DNAH6: variants seen among roughly 807,000 people sequenced by gnomAD.
DNAH6 encodes axonemal beta dynein heavy chain 6.
Under a neutral mutation model 491.4 loss-of-function variants are expected in DNAH6, and 340 were observed. The observed-to-expected ratio is 0.69, with a 90% confidence interval of 0.63 to 0.76. The LOEUF (loss-of-function observed/expected upper bound fraction) is 0.76, where lower values mean the gene tolerates loss of function less well. DNAH6 is among the 30% of genes least tolerant of loss of function. The pLI is 0.00. For missense variants in DNAH6, 4,443 were observed against 4,972.2 expected, an observed-to-expected ratio of 0.89 and a Z score of 3.20; for synonymous variants, 1,603 against 1,686.1, an observed-to-expected ratio of 0.95 and a Z score of 1.21.
chr2:84,788,325 G>C (rs1413944281), intron 68 of DNAH6, among the ~76,000 whole-genome samples: 1 of 152,102 alleles, frequency 6.6e-6, no homozygotes, highest in African/African-American at 2.4e-5. Flanking sequence ...GATGTTTCAG[G>C]TTACCTCAGT....
At chr2:84,557,519 G>A (rs533791737) in intron 10 of DNAH6, among the ~76,000 whole-genome samples, 4 of 150,444 alleles carry the variant, frequency 2.7e-5, no homozygotes, top group Non-Finnish European at 3.0e-5. Flanking sequence ...GCGCGGTGGC[G>A]GGCGCCTGTA....
At chr2:84,600,018 G>C (rs951279083) in intron 18 of DNAH6, among the ~76,000 whole-genome samples, 6 of 152,150 alleles carry the variant, frequency 3.9e-5, no homozygotes, top group Admixed American at 3.9e-4. Flanking sequence ...TTAGAAGAAT[G>C]TGCATTCTGC....
At chr2:84,522,664 T>C (rs1299669891) in intron 2 of DNAH6, among the ~76,000 whole-genome samples, 1 of 152,144 alleles carries the variant, frequency 6.6e-6, no homozygotes, top group Non-Finnish European at 1.5e-5. Flanking sequence ...TTATTGAGTG[T>C]TCAACATGAA....
intron 4 of DNAH6, among the ~76,000 whole-genome samples, chr2:84,543,625 T>G (rs988430257): frequency 3.9e-5 from 6 of 152,166 alleles, no homozygotes; most frequent in African/African-American, 1.4e-4. Context: ...CTCCTGTCCT[T>G]TCTTCTGTTT....
intron 64 of DNAH6, chr2:84,778,207 T>G: frequency 1.2e-5 from 8 of 662,752 alleles, no homozygotes; most frequent in East Asian, 2.7e-5. Flanking sequence ...AATCAGCTGA[T>G]CCTTGAGAGT....
At chr2:84,560,555 C>T (rs1381071784) in intron 11 of DNAH6, among the ~76,000 whole-genome samples, 2 of 151,232 alleles carry the variant, frequency 1.3e-5, no homozygotes, top group Admixed American at 6.6e-5. Flanking sequence ...GTGTGCTGCA[C>T]CCATTAACTC....
chr2:84,551,140 A>G (rs562857512), intron 9 of DNAH6, among the ~76,000 whole-genome samples: 14 of 152,316 alleles, frequency 9.2e-5, no homozygotes, highest in African/African-American at 3.4e-4. Flanking sequence ...AAAGCTAATT[A>G]TGCAATACAC....
rs1168389064 is a variant in DNAH6 at position 84,707,736 on chromosome 2, G to A, written c.9048+20G>A. 1 of 1,540,364 alleles carries A rather than the reference G, an allele frequency of 6.5e-7. No individual in the cohort carries two copies. The highest frequency in any genetic ancestry group is 1.2e-5 in the South Asian group (1 of 83,164). On this transcript the variant is annotated intron_variant, in intron 54 of 76. Transcript: ENST00000389394. ...CAGTCAGTGAGTAACCCTGCTTTCT[G>A]TAAGGAGGGGTAAGAAGCAGCTGAA... is the stretch of plus-strand genomic sequence containing the variant.
At position 84,573,530 on chromosome 2, in the gene DNAH6, A is replaced by G; in HGVS notation, c.1867A>G (p.Ile623Val). The change falls in exon 12 of 77, where the codon ATA (isoleucine) becomes GTA (valine). Residue 623 changes from isoleucine to valine, a missense_variant. By Grantham distance (29) the Ile-to-Val change is conservative. Transcript: ENST00000389394. ...IYAATFEKFQ[I>V]FFKENESLDL... ...TGCAGCTACCTTTGAAAAGTTCCAGATATTCTTCAAGGAAAATGAAAGTCT... is the reference window on the plus strand; with the variant it reads ...TGCAGCTACCTTTGAAAAGTTCCAGGTATTCTTCAAGGAAAATGAAAGTCT... 1.9e-6 allele frequency: 3 copies of G among 1,591,672 alleles called. No individual in the cohort carries two copies. Among genetic ancestry groups the G allele is most frequent in the Non-Finnish European group, 2.6e-6 (3 of 1,173,626 alleles).
the DNAH6 span, among the ~76,000 whole-genome samples, chr2:84,481,267 C>A: frequency 6.6e-6 from 1 of 152,156 alleles, no homozygotes; most frequent in Non-Finnish European, 1.5e-5. Flanking sequence ...ATTTCATTTA[C>A]TCTATGATTT....
At position 84,745,125 on chromosome 2, in the gene DNAH6, C is replaced by T. The variant is rs13424518; in HGVS notation, c.10388C>T (p.Ser3463Phe). 6.5e-7 allele frequency: 1 copy of T among 1,544,694 alleles called. No individual in the cohort carries two copies. Among genetic ancestry groups the T allele is most frequent in the South Asian group, 1.2e-5 (1 of 82,860 alleles). The change falls in exon 63 of 77, where the codon TCT (serine) becomes TTT (phenylalanine). Residue 3463 changes from serine to phenylalanine, a missense_variant. Coordinates refer to ENST00000389394, the MANE Select transcript of DNAH6 (RefSeq NM_001370.2). ...AACCCACAGAAATGGGAAGGCTATTCTAAAATGAAACACGAAGATAAACAC... is the reference window on the plus strand; with the variant it reads ...AACCCACAGAAATGGGAAGGCTATTTTAAAATGAAACACGAAGATAAACAC... Reference protein sequence around the residue: ...YINPQKWEGYSKMKHEDKHMR... With the variant: ...YINPQKWEGYFKMKHEDKHMR...
intron 18 of DNAH6, among the ~76,000 whole-genome samples, chr2:84,601,644 A>G (rs566605619): frequency 2.0e-4 from 2 of 10,240 alleles, no homozygotes; most frequent in South Asian, 5.8e-3. Context: ...ATTGATTCCT[A>G]TTTTTTTAAT....
At chr2:84,554,641 C>T (rs1359600370) in intron 10 of DNAH6, among the ~76,000 whole-genome samples, 1 of 152,188 alleles carries the variant, frequency 6.6e-6, no homozygotes, top group Admixed American at 6.5e-5. Context: ...GATTCCTCCT[C>T]CACAGTGTAT....
chr2:84,626,973 A>C (rs11893177), intron 29 of DNAH6, among the ~76,000 whole-genome samples: 27,154 of 152,116 alleles, frequency 0.18, 4,537 homozygotes, highest in African/African-American at 0.44. Context: ...ACTACATATT[A>C]TGATCTGCAG....
At chr2:84,807,260 G>C (rs116402652) in intron 71 of DNAH6, among the ~76,000 whole-genome samples, 7 of 152,178 alleles carry the variant, frequency 4.6e-5, no homozygotes, top group African/African-American at 1.7e-4. Flanking sequence ...TGGGATTTTT[G>C]TCCAGCAGCC....
rs534104926 is a variant in DNAH6, at chr2:84,752,032, C to A, written c.10512+6783C>A. ...ATCTTGGTTTCCAAGGCTAAATCCA[C>A]TGGGAACTCAAATGTTGGCAGGACT... is the stretch of plus-strand genomic sequence containing the variant. On this transcript the variant is annotated intron_variant, in intron 63 of 76. Transcript: ENST00000389394. Among the ~76,000 whole-genome samples, 10 of 152,344 alleles carry A rather than the reference C, an allele frequency of 6.6e-5. No individual in the cohort carries two copies. In the East Asian group the frequency reaches 1.7e-3, roughly 26 times the overall value.
chr2:84,728,632 T>G (rs1163530682), intron 61 of DNAH6, among the ~76,000 whole-genome samples: 2 of 152,228 alleles, frequency 1.3e-5, no homozygotes. Flanking sequence ...GCAATAGTTT[T>G]TTTTAAAAAA....
chr2:84,733,863 G>A (rs1377710821), intron 62 of DNAH6, among the ~76,000 whole-genome samples: 1 of 145,888 alleles, frequency 6.9e-6, no homozygotes, highest in Non-Finnish European at 1.5e-5. Context: ...TGCTTTAGCT[G>A]TATCCCATAG....
At chr2:84,687,933 A>C (rs1286619791) in intron 44 of DNAH6, among the ~76,000 whole-genome samples, 1 of 152,130 alleles carries the variant, frequency 6.6e-6, no homozygotes, top group Non-Finnish European at 1.5e-5. Context: ...CAATAACCTA[A>C]CAGCAAAAAA....
Sources: gnomAD v4.1 joint callset for allele counts (sites outside exome capture counted in the v4.1 genomes callset) on GRCh38, gnomAD v4.1.1 for gene constraint, MANE v1.5 for transcripts, NCBI Gene and HGNC (gene_info 2026-07-23, HGNC 2026-07-21) for gene names.